The following LIN54 variants were observed in gnomAD, a reference collection of about 807,000 sequenced individuals.
LIN54 encodes the protein protein lin-54 homolog.
In LIN54, 9 loss-of-function variants were observed where a neutral mutation model predicts 78.7. The observed-to-expected ratio is 0.11, with a 90% CI of 0.07 to 0.20. The LOEUF is 0.20. LIN54 is among the 10% of genes least tolerant of loss of function. The pLI is 1.00. For synonymous variants in LIN54, 269 were observed against 318.4 expected, an observed-to-expected ratio of 0.84 and a Z score of 1.65; for missense variants, 573 against 889.9, an observed-to-expected ratio of 0.64 and a Z score of 4.53.
rs148000357 is a variant in LIN54 at position 82,994,122 on chromosome 4, T to G, written c.-32-9246A>C. Among the ~76,000 whole-genome samples the G allele has an allele frequency of 2.1e-4, 32 of 152,226 alleles. No individual in the cohort carries two copies. The East Asian group carries it at 6.2e-3, about 29-fold the overall frequency. On this transcript the variant is annotated intron_variant, in intron 1 of 12. Transcript: ENST00000340417. Reference sequence around the variant, plus strand: ...TTTCCCCAAAGCTCTTTAGATGTATTCCATTAATTTCAATACGTTTTTATT... The same window carrying G: ...TTTCCCCAAAGCTCTTTAGATGTATGCCATTAATTTCAATACGTTTTTATT...
rs1298569044 is a variant in LIN54 at position 82,993,198 on chromosome 4, T to C, written c.-32-8322A>G. On this transcript the variant is annotated intron_variant, in intron 1 of 12. Coordinates refer to ENST00000340417, the MANE Select transcript of LIN54 (RefSeq NM_194282.4). ...TTTACCTCTTTGCTTCTGTTTGATT[T>C]GTTCTTCTTTTTCTAGAATCTTTTT... Among the ~76,000 whole-genome samples, 4 of 146,038 alleles carry C rather than the reference T, an allele frequency of 2.7e-5. No individual in the cohort carries two copies. In the Admixed American group the frequency reaches 2.9e-4, roughly 11 times the overall value.
chr4:82,928,146 A>T lies in LIN54; in HGVS notation c.2206T>A (p.Ser736Thr). 6.2e-7 allele frequency: 1 copy of T among 1,614,264 alleles called. No individual in the cohort carries two copies. The highest frequency in any genetic ancestry group is 8.5e-7 in the Non-Finnish European group (1 of 1,180,042). ...GGGTCACTTTTTGCCTTTCCTGCAG[A>T]GTTGATGACACTCATCAAACATCGT... is the stretch of plus-strand genomic sequence containing the variant. ...FGRCLMSVINSAGKAKSDPCA... is the reference protein window; with the variant it reads ...FGRCLMSVINTAGKAKSDPCA... Residue 736 changes from serine (S) to threonine (T), a missense_variant, in exon 13 of 13, where the codon TCT (serine) becomes ACT (threonine). By Grantham distance (58) the Ser-to-Thr change is moderately conservative (BLOSUM62 1). This residue lies in a region of LIN54 where 82 missense variants were observed against 140.8 expected (regional missense o/e 0.58). Coordinates refer to ENST00000340417, the MANE Select transcript of LIN54 (RefSeq NM_194282.4).
At chr4:82,977,510 C>A (rs1726260902) in intron 3 of LIN54, among the ~76,000 whole-genome samples, 1 of 152,198 alleles carries the variant, frequency 6.6e-6, no homozygotes, top group South Asian at 2.1e-4. Flanking sequence ...TTTTCCATCT[C>A]TTCTCATTAG....
At chr4:82,938,531 ATC>A (rs1169240056) in intron 7 of LIN54, 27 bp from the exon 8 acceptor site, 1 of 1,346,550 alleles carries the variant, frequency 7.4e-7, no homozygotes, top group South Asian at 1.2e-5. Context: ...TTAATTTTAG[ATC>A]ATATTTCCAA....
At chr4:82,946,775 A>T (rs1422780128) in intron 4 of LIN54, among the ~76,000 whole-genome samples, 1 of 152,212 alleles carries the variant, frequency 6.6e-6, no homozygotes, top group Non-Finnish European at 1.5e-5. Flanking sequence ...TGTTAATATC[A>T]GGTAAAATTT....
In LIN54 at chr4:82,984,399, C is replaced by A. The variant is rs1485892376; in HGVS notation, c.446G>T (p.Gly149Val). Residue 149 changes from glycine (G) to valine (V), a missense_variant, in exon 2 of 13, where the codon GGT becomes GTT. Coordinates refer to ENST00000340417, the MANE Select transcript of LIN54 (RefSeq NM_194282.4). ...GGGTAGTGCTAAAACAATTGGTGAA[C>A]CAGACTTGCCCAAAGTTGTTAAAAT... ...KLILTTLGKS[G>V]SPIVLALPHS... 6.2e-7 allele frequency: 1 copy of A among 1,614,148 alleles called. No homozygotes were observed. Among genetic ancestry groups the A allele is most frequent in the Non-Finnish European group, 8.5e-7 (1 of 1,180,008 alleles).
At chr4:82,948,406 C>CT (rs1253883098) in intron 4 of LIN54, among the ~76,000 whole-genome samples, 1 of 152,120 alleles carries the variant, frequency 6.6e-6, no homozygotes, top group Non-Finnish European at 1.5e-5. Flanking sequence ...TTTTCTATTG[C>CT]TCTTCTAAAA....
chr4:82,928,701 G>C (rs1301663770), intron 12 of LIN54, among the ~76,000 whole-genome samples: 1 of 152,154 alleles, frequency 6.6e-6, no homozygotes, highest in Non-Finnish European at 1.5e-5. Context: ...GCATGACATA[G>C]AGACGCTACA....
rs68129345 is a variant in LIN54 at position 82,998,064 on chromosome 4, G to GTATA, written c.-33+12416_-33+12419dup. 1.1e-3 allele frequency among the ~76,000 whole-genome samples: 139 copies of GTATA among 128,140 alleles called. 2 individuals carry two copies. In the Middle Eastern group the frequency reaches 0.012, roughly 11 times the overall value. The allele number at this position is 128,140 out of a possible 152,430, so 84.1% of individuals were successfully genotyped here. A position where few individuals can be genotyped will look rare whatever the true frequency, so the allele number is the denominator to read the frequency against. ...CACACACGTATATATATATATACAC[G>GTATA]TATATATATATATACTAAATGACAT... is the stretch of plus-strand genomic sequence containing the variant. On this transcript the variant is annotated intron_variant, in intron 1 of 12. Coordinates refer to ENST00000340417, the MANE Select transcript of LIN54 (RefSeq NM_194282.4).
chr4:82,975,644 G>A (rs917255770), intron 3 of LIN54, among the ~76,000 whole-genome samples: 9 of 151,606 alleles, frequency 5.9e-5, no homozygotes, highest in Admixed American at 1.3e-4. Flanking sequence ...CCCAGGAGGC[G>A]GATGTTGCAG....
intron 11 of LIN54, among the ~76,000 whole-genome samples, 169 bp from the exon 12 acceptor site, chr4:82,931,314 G>T (rs1181231007): frequency 6.6e-6 from 1 of 152,190 alleles, no homozygotes; most frequent in African/African-American, 2.4e-5. Flanking sequence ...GGCTAGCTAG[G>T]TTAGGTATTC....
Position 82,984,746 on chromosome 4 carries a change from A to G in LIN54, c.99T>C (p.Ile33=). The stretch of plus-strand genomic sequence containing the variant: ...TCTCCATGGGAATTGGGGATGAAAC[A>G]ATAACAGCCTCAATACTATCATCAT... ...LVDDDSIEAV[I]VSSPIPMETE... is the part of the protein sequence containing the mutation. The change falls in exon 2 of 13, where the codon ATT becomes ATC. Residue 33 remains isoleucine, a synonymous_variant. Coordinates refer to ENST00000340417, the MANE Select transcript of LIN54 (RefSeq NM_194282.4). 6.2e-7 allele frequency: 1 copy of G among 1,614,078 alleles called. No individual in the cohort carries two copies. The highest frequency in any genetic ancestry group is 8.5e-7 in the Non-Finnish European group (1 of 1,179,946).
At chr4:82,962,173 C>A (rs966234467) in intron 4 of LIN54, among the ~76,000 whole-genome samples, 1 of 152,088 alleles carries the variant, frequency 6.6e-6, no homozygotes, top group African/African-American at 2.4e-5. Flanking sequence ...AATCTTCCCA[C>A]CCCAGCCTTC....
chr4:82,969,839 C>A (rs1196334312), intron 4 of LIN54, among the ~76,000 whole-genome samples: 1 of 152,146 alleles, frequency 6.6e-6, no homozygotes, highest in Admixed American at 6.5e-5. Flanking sequence ...CATTTGAATG[C>A]TTCCAATAAA....
Position 82,935,876 on chromosome 4 carries a change from A to G in LIN54, c.1845+105T>C, listed in dbSNP as rs575846771. ...TTTGCACCAACTGTGCATATTTTCA[A>G]ATTGCAATAGCAAGGTGATTTCCCA... On this transcript the variant is annotated intron_variant, in intron 11 of 12. Transcript: ENST00000340417. 6.1e-6 allele frequency: 7 copies of G among 1,151,164 alleles called. No individual in the cohort carries two copies. In the South Asian group the frequency reaches 6.6e-5, roughly 11 times the overall value. 71.3% of individuals were successfully genotyped at this position (1,151,164 alleles called of 1,614,324 possible). A position where few individuals can be genotyped will look rare whatever the true frequency, so the allele number is the denominator to read the frequency against.
intron 1 of LIN54, among the ~76,000 whole-genome samples, chr4:82,987,448 C>G (rs7687684): frequency 0.33 from 49,860 of 152,036 alleles, 9,479 homozygotes; most frequent in African/African-American, 0.52. Flanking sequence ...ATGTGCAGAA[C>G]ATGCAGGTTT....
intron 4 of LIN54, among the ~76,000 whole-genome samples, chr4:82,960,238 C>T (rs1724674431): frequency 6.6e-6 from 1 of 152,126 alleles, no homozygotes; most frequent in African/African-American, 2.4e-5. Context: ...TCAGAGCTCA[C>T]TGTAACCTCA....
chr4:82,928,105 G>T lies in LIN54; in HGVS notation c.2247C>A (p.Cys749Ter), dbSNP rs1721630810. ...KAKSDPCAMN[C>*] ...TTATCAGTCTTTTGTGCAAGAGTTA[G>T]CAATTCATGGCACAAGGGTCACTTT... Residue 749 changes from cysteine to a stop codon, truncating the protein, a stop_gained, in exon 13 of 13, where the codon TGC becomes TGA. Transcript: ENST00000340417. LOFTEE classifies it high-confidence loss of function. The T allele has an allele frequency of 1.2e-6, 2 of 1,613,740 alleles. No individual in the cohort carries two copies. The highest frequency in any genetic ancestry group is 2.7e-5 in the African/African-American group (2 of 75,048).
intron 4 of LIN54, among the ~76,000 whole-genome samples, chr4:82,961,782 G>GT (rs761060480): frequency 6.6e-6 from 1 of 151,908 alleles, no homozygotes; most frequent in Non-Finnish European, 1.5e-5. Flanking sequence ...GTGATACCCC[G>GT]TCTCTACTAA....
Sources: gnomAD v4.1 joint callset for allele counts (sites outside exome capture counted in the v4.1 genomes callset) on GRCh38, gnomAD v4.1.1 for gene constraint, gnomAD v4.1.1 regional missense constraint, MANE v1.5 for transcripts, NCBI Gene and HGNC (gene_info 2026-07-23, HGNC 2026-07-21) for gene names.